MACC1: variants seen among roughly 807,000 people sequenced by gnomAD.
MACC1 encodes metastasis-associated in colon cancer protein 1.
Under a neutral mutation model 70.7 loss-of-function variants are expected in MACC1, and 79 were observed. The observed-to-expected ratio is 1.12, with a 90% CI of 0.93 to 1.35. The LOEUF (loss-of-function observed/expected upper bound fraction) is 1.35, where lower values mean the gene tolerates loss of function less well. MACC1 is among the 40% of genes most tolerant of loss of function. MACC1 has a pLI of 0.00. For synonymous variants in MACC1, 361 were observed against 347.2 expected (o/e 1.04, Z -0.44); for missense variants, 1,106 against 978.1 (o/e 1.13, Z -1.74).
At position 20,145,691 on chromosome 7, in the gene MACC1, A is replaced by T. The variant is rs780339910; in HGVS notation, c.2347-4533T>A. Among the ~76,000 whole-genome samples the T allele has an allele frequency of 3.9e-4, 60 of 152,242 alleles. 1 individual carries two copies. Among genetic ancestry groups the T allele is most frequent in the Admixed American group, 2.6e-4 (4 of 15,288 alleles). On this transcript the variant is annotated intron_variant, in intron 6 of 6. Transcript: ENST00000400331. ...AGAAGAAAGGTTAACTTCCTTTGGCAGAAACATAAATACAAAAGGATGTTA... is the reference window on the plus strand; with the variant it reads ...AGAAGAAAGGTTAACTTCCTTTGGCTGAAACATAAATACAAAAGGATGTTA...
At chr7:20,197,792 G>C (rs1782777405) in intron 1 of MACC1, among the ~76,000 whole-genome samples, 2 of 152,180 alleles carry the variant, frequency 1.3e-5, no homozygotes, top group African/African-American at 4.8e-5. Flanking sequence ...AGGTGAAACA[G>C]AAAAGTTTCA....
chr7:20,142,359 CTG>C (rs1410399407), intron 6 of MACC1, among the ~76,000 whole-genome samples: 2 of 152,320 alleles, frequency 1.3e-5, no homozygotes, highest in South Asian at 2.1e-4. Context: ...TTTGTCCAAA[CTG>C]GCATTCCTGG....
At chr7:20,149,457 CAGTG>C (rs924612637) in intron 6 of MACC1, among the ~76,000 whole-genome samples, 2 of 152,166 alleles carry the variant, frequency 1.3e-5, no homozygotes, top group African/African-American at 4.8e-5. Flanking sequence ...TCTAAACATC[CAGTG>C]AGTAAGATAG....
chr7:20,153,393 C>A (rs779378640), intron 6 of MACC1: 1 of 152,226 alleles, frequency 6.6e-6, no homozygotes, highest in Non-Finnish European at 1.5e-5. Context: ...CAAGTCATCT[C>A]TAATAGAGAG....
At chr7:20,193,835 A>G (rs1782708528) in intron 1 of MACC1, among the ~76,000 whole-genome samples, 1 of 151,746 alleles carries the variant, frequency 6.6e-6, no homozygotes, top group Admixed American at 6.6e-5. Flanking sequence ...AGGAGCCAGA[A>G]AGCAAACAGC....
intron 1 of MACC1, among the ~76,000 whole-genome samples, chr7:20,174,832 T>C (rs1365971312): frequency 6.6e-6 from 1 of 152,126 alleles, no homozygotes; most frequent in African/African-American, 2.4e-5. Context: ...AAGAACAATT[T>C]ACATCCTTAA....
intron 2 of MACC1, among the ~76,000 whole-genome samples, chr7:20,164,606 A>G (rs541649140): frequency 6.6e-6 from 1 of 152,296 alleles, no homozygotes; most frequent in South Asian, 2.1e-4. Flanking sequence ...CATCGAAAAA[A>G]TGGGTAAAAT....
chr7:20,140,640 C>A lies in MACC1; in HGVS notation c.*306G>T. On this transcript the variant is annotated 3_prime_UTR_variant, in exon 7 of 7. Coordinates refer to ENST00000400331, the MANE Select transcript of MACC1 (RefSeq NM_182762.4). ...TTCTTTTTTCTTTCCTTTCTAAGAACAAAGCAGCCTAATACTTGTATTTGA... is the reference window on the plus strand; with the variant it reads ...TTCTTTTTTCTTTCCTTTCTAAGAAAAAAGCAGCCTAATACTTGTATTTGA... 3.9e-6 allele frequency: 1 copy of A among 258,678 alleles called. No homozygotes were observed. 16.0% of individuals were successfully genotyped at this position (258,678 alleles called of 1,614,324 possible).
intron 1 of MACC1, among the ~76,000 whole-genome samples, chr7:20,177,241 A>G (rs1782407953): frequency 6.6e-6 from 1 of 152,198 alleles, no homozygotes; most frequent in Admixed American, 6.5e-5. Flanking sequence ...AATGTCTGAA[A>G]TTAAATAACA....
At chr7:20,199,185 A>G (rs937266763) in intron 1 of MACC1, among the ~76,000 whole-genome samples, 2 of 152,204 alleles carry the variant, frequency 1.3e-5, no homozygotes, top group African/African-American at 4.8e-5. Flanking sequence ...CCATTTGCAG[A>G]TAAGAAATTG....
chr7:20,214,082 A>G (rs1583415943), intron 1 of MACC1, among the ~76,000 whole-genome samples: 2 of 151,978 alleles, frequency 1.3e-5, no homozygotes, highest in East Asian at 3.9e-4. Flanking sequence ...ATTTCCAAAG[A>G]GCTCTCCTGG....
chr7:20,204,744 T>C (rs1314144744), intron 1 of MACC1, among the ~76,000 whole-genome samples: 1 of 152,214 alleles, frequency 6.6e-6, no homozygotes. Context: ...AAAAATTGCA[T>C]TCACACTGTA....
In MACC1 at chr7:20,159,814, A is replaced by G. The variant is rs200788195; in HGVS notation, c.547T>C (p.Leu183=). Reference sequence around the variant, plus strand: ...GAGCGGGCCAGCTGGCGTTGACTTAACCAAGCCATTTTATAAGCCTCCCGA... The same window carrying G: ...GAGCGGGCCAGCTGGCGTTGACTTAGCCAAGCCATTTTATAAGCCTCCCGA... ...NDREAYKMAW[L]SQRQLARSCL... The change falls in exon 5 of 7, where the codon TTA becomes CTA. Residue 183 remains leucine (L), a synonymous_variant. Coordinates refer to ENST00000400331, the MANE Select transcript of MACC1 (RefSeq NM_182762.4). The G allele has an allele frequency of 2.9e-5, 47 of 1,614,116 alleles. 1 individual carries two copies. The East Asian group carries it at 6.5e-4, about 22-fold the overall frequency.
intron 1 of MACC1, among the ~76,000 whole-genome samples, chr7:20,171,586 GTTT>G (rs58352135): frequency 7.7e-6 from 1 of 129,618 alleles, no homozygotes; most frequent in African/African-American, 2.8e-5. Flanking sequence ...AATTATATCT[GTTT>G]TTTTTTTTTT....
chr7:20,177,876 T>C (rs1385578258), intron 1 of MACC1, among the ~76,000 whole-genome samples: 1 of 152,140 alleles, frequency 6.6e-6, no homozygotes, highest in Non-Finnish European at 1.5e-5. Context: ...TTGGACTTTT[T>C]TAAACAATTC....
intron 1 of MACC1, among the ~76,000 whole-genome samples, chr7:20,193,373 T>G (rs1039993352): frequency 4.6e-5 from 7 of 152,212 alleles, no homozygotes; most frequent in African/African-American, 1.7e-4. Context: ...AAAGCTAATC[T>G]TGAAAGTTTA....
intron 5 of MACC1, among the ~76,000 whole-genome samples, chr7:20,154,894 G>A (rs1032535741): frequency 6.6e-6 from 1 of 151,642 alleles, no homozygotes; most frequent in Non-Finnish European, 1.5e-5. Flanking sequence ...AATCATGCCT[G>A]CTGTGTTTAA....
Position 20,158,956 on chromosome 7 carries a change from G to A in MACC1, c.1405C>T (p.Gln469Ter). 1 of 1,613,942 alleles carries A rather than the reference G, an allele frequency of 6.2e-7. No individual in the cohort carries two copies. The highest frequency in any genetic ancestry group is 1.1e-5 in the South Asian group (1 of 91,052). The change falls in exon 5 of 7, where the codon CAA becomes TAA. Residue 469 changes from glutamine to a stop codon, truncating the protein, a stop_gained. Transcript: ENST00000400331. LOFTEE classifies it high-confidence loss of function. ...QLEAGEVVHQ[Q>*]FLFSLVEHRE... ...TGCTCAACTAAAGAAAATAAAAATT[G>A]TTGATGAACTACTTCACCTGCTTCC...
In MACC1 at chr7:20,158,282, A is replaced by T; in HGVS notation, c.2079T>A (p.Val693=). 6.2e-7 allele frequency: 1 copy of T among 1,612,488 alleles called. No homozygotes were observed. Among genetic ancestry groups the T allele is most frequent in the Non-Finnish European group, 8.5e-7 (1 of 1,179,688 alleles). The part of the protein sequence containing the change: ...QIQADKESEK[V]SYVIKKLKED... The stretch of plus-strand genomic sequence containing the variant: ...CCTTTAACTTCTTTATAACATAAGA[A>T]ACTTTCTCTGATTCTTTGTCTGCTT... The change falls in exon 5 of 7, where the codon GTT becomes GTA. Residue 693 remains valine (V), a synonymous_variant. Transcript: ENST00000400331.
Sources: gnomAD v4.1 joint callset for allele counts (sites outside exome capture counted in the v4.1 genomes callset) on GRCh38, gnomAD v4.1.1 for gene constraint, MANE v1.5 for transcripts, NCBI Gene and HGNC (gene_info 2026-07-23, HGNC 2026-07-21) for gene names.